ADAMTSL1: variants seen among roughly 807,000 people sequenced by gnomAD.
ADAMTSL1 encodes ADAMTS like 1.
Under a neutral mutation model 201.8 loss-of-function variants are expected in ADAMTSL1, and 126 were observed. The observed-to-expected ratio is 0.62, with a 90% CI of 0.54 to 0.72. ADAMTSL1 has a LOEUF of 0.72. Among genes scored for constraint, ADAMTSL1 ranks in the 30% least tolerant of loss-of-function variants. ADAMTSL1 has a pLI of 0.00. For synonymous variants in ADAMTSL1, 1,121 were observed against 903.4 expected, an observed-to-expected ratio of 1.24 and a Z score of -4.32; for missense variants, 2,679 against 2,277.8, an observed-to-expected ratio of 1.18 and a Z score of -3.59.
At chr9:18,493,401 C>T (rs1031975643) in intron 1 of ADAMTSL1, among the ~76,000 whole-genome samples, 2 of 152,226 alleles carry the variant, frequency 1.3e-5, no homozygotes, top group East Asian at 3.8e-4. Context: ...TAAGCCAGGA[C>T]TTCCTCACCC....
intron 23 of ADAMTSL1, among the ~76,000 whole-genome samples, chr9:18,852,381 T>C (rs1310287751): frequency 1.3e-5 from 2 of 152,186 alleles, no homozygotes; most frequent in East Asian, 1.9e-4. Flanking sequence ...TTAACATCAG[T>C]CATTCTTATT....
In ADAMTSL1 at chr9:18,680,328, T is replaced by A; in HGVS notation, c.1153T>A (p.Trp385Arg). 6.2e-7 allele frequency: 1 copy of A among 1,614,068 alleles called. No homozygotes were observed. The highest frequency in any genetic ancestry group is 8.5e-7 in the Non-Finnish European group (1 of 1,180,010). The stretch of plus-strand genomic sequence containing the variant: ...CTTCTGTAGGTGGGAGGCCACCCCA[T>A]GGACCGCGTGCTCCTCCTCGTGTGG... ...HPLPRWEATP[W>R]TACSSSCGGG... is the part of the protein sequence containing the mutation. The change falls in exon 11 of 29, where the codon TGG (tryptophan) becomes AGG (arginine). Residue 385 changes from tryptophan (W) to arginine (R), a missense_variant. Coordinates refer to ENST00000380548, the MANE Select transcript of ADAMTSL1 (RefSeq NM_001040272.6).
chr9:18,613,025 AC>A (rs535321072), intron 4 of ADAMTSL1, among the ~76,000 whole-genome samples: 338 of 152,340 alleles, frequency 2.2e-3, no homozygotes, highest in Non-Finnish European at 3.8e-3. Flanking sequence ...TAAGAAAAAA[AC>A]AATGCCATTA....
chr9:18,873,336 C>T (rs987668301), intron 23 of ADAMTSL1, among the ~76,000 whole-genome samples: 8 of 152,116 alleles, frequency 5.3e-5, no homozygotes, highest in Admixed American at 1.3e-4. Flanking sequence ...GTTTTTATTG[C>T]GTTTGCTTTG....
At chr9:18,011,135 G>T (rs1820035088) in intron 1 of ADAMTSL1, among the ~76,000 whole-genome samples, 1 of 151,874 alleles carries the variant, frequency 6.6e-6, no homozygotes, top group South Asian at 2.1e-4. Context: ...CTTTTCTCAG[G>T]AGTTTATAGC....
At chr9:18,573,956 A>G in intron 3 of ADAMTSL1, 74 bp from the exon 4 acceptor site, 3 of 1,216,464 alleles carry the variant, frequency 2.5e-6, no homozygotes, top group Non-Finnish European at 3.5e-6. Flanking sequence ...TAAGCAGACC[A>G]TATAGCTGCT....
intron 1 of ADAMTSL1, among the ~76,000 whole-genome samples, chr9:18,012,663 T>C (rs1299461782): frequency 6.6e-6 from 1 of 151,992 alleles, no homozygotes; most frequent in Non-Finnish European, 1.5e-5. Flanking sequence ...GAAATGTCTG[T>C]GGTGGGTATT....
intron 1 of ADAMTSL1, among the ~76,000 whole-genome samples, chr9:18,140,444 T>A (rs1351497516): frequency 6.6e-6 from 1 of 151,674 alleles, no homozygotes; most frequent in Non-Finnish European, 1.5e-5. Flanking sequence ...CCCAATGGAG[T>A]CAGTACTGAA....
At chr9:17,939,695 G>A (rs190807673) in intron 1 of ADAMTSL1, among the ~76,000 whole-genome samples, 4 of 152,030 alleles carry the variant, frequency 2.6e-5, no homozygotes, top group Non-Finnish European at 5.9e-5. Context: ...TTTACTTAGG[G>A]CCCATTTATT....
chr9:18,534,844 G>A (rs1467087901), intron 3 of ADAMTSL1, among the ~76,000 whole-genome samples: 1 of 152,230 alleles, frequency 6.6e-6, no homozygotes, highest in Non-Finnish European at 1.5e-5. Context: ...AGCCACAGCT[G>A]GAGTGGCTGG....
At chr9:18,105,139 G>T (rs576807727) in intron 1 of ADAMTSL1, among the ~76,000 whole-genome samples, 1 of 152,102 alleles carries the variant, frequency 6.6e-6, no homozygotes, top group Non-Finnish European at 1.5e-5. Context: ...GTGTAAATTC[G>T]TACAGGACAC....
At chr9:18,695,301 G>T (rs1286827992) in intron 13 of ADAMTSL1, among the ~76,000 whole-genome samples, 1 of 152,228 alleles carries the variant, frequency 6.6e-6, no homozygotes, top group African/African-American at 2.4e-5. Flanking sequence ...TTTCCCCATT[G>T]TGTTGGCTAT....
rs760214011 is a variant in ADAMTSL1 at position 18,826,351 on chromosome 9, C to T, written c.4002C>T (p.His1334=). 1.1e-5 allele frequency: 17 copies of T among 1,613,432 alleles called. No homozygotes were observed. In the African/African-American group the frequency reaches 1.2e-4, roughly 11 times the overall value. Reference sequence around the variant, plus strand: ...AACTGGGCTCCCCGCACCATCTGCACGAAGGCTCCTTGCTGCTCACAAACG... The same window carrying T: ...AACTGGGCTCCCCGCACCATCTGCATGAAGGCTCCTTGCTGCTCACAAACG... ...KSKLGSPHHL[H]EGSLLLTNVS... is the part of the protein sequence containing the mutation. Residue 1334 remains histidine, a synonymous_variant, in exon 22 of 29, where the codon CAC becomes CAT. Transcript: ENST00000380548.
intron 2 of ADAMTSL1, among the ~76,000 whole-genome samples, chr9:18,285,601 T>A (rs1041535954): frequency 1.1e-4 from 16 of 152,268 alleles, no homozygotes; most frequent in South Asian, 6.2e-4. Context: ...TTTTTCTTTT[T>A]TTAAAATTAT....
intron 20 of ADAMTSL1, among the ~76,000 whole-genome samples, chr9:18,812,868 G>T (rs755774966): frequency 6.6e-6 from 1 of 151,642 alleles, no homozygotes; most frequent in Non-Finnish European, 1.5e-5. Context: ...TGTTCCATGG[G>T]TTTATGTGTC....
At chr9:18,713,849 G>T (rs1832753554) in intron 14 of ADAMTSL1, among the ~76,000 whole-genome samples, 2 of 147,710 alleles carry the variant, frequency 1.4e-5, no homozygotes, top group Non-Finnish European at 3.0e-5. Flanking sequence ...ATACTGGGAA[G>T]TAAAGCTCTC....
intron 2 of ADAMTSL1, among the ~76,000 whole-genome samples, chr9:18,346,278 C>A (rs1368079105): frequency 1.3e-5 from 2 of 152,026 alleles, no homozygotes; most frequent in Admixed American, 1.3e-4. Context: ...TGCATATAGC[C>A]AGCCTCTTGG....
Position 18,680,492 on chromosome 9 carries a change from A to G in ADAMTSL1, c.1317A>G (p.Lys439=). The G allele has an allele frequency of 1.9e-6, 3 of 1,614,072 alleles. No homozygotes were observed. Among genetic ancestry groups the G allele is most frequent in the Non-Finnish European group, 1.7e-6 (2 of 1,180,006 alleles). The change falls in exon 11 of 29, where the codon AAA becomes AAG. Residue 439 remains lysine, a synonymous_variant. Transcript: ENST00000380548. The stretch of plus-strand genomic sequence containing the variant: ...CCTGCAACATTTTTGACTGCCCTAA[A>G]TGGCTGGCACAGGAGTGGTCTCCGG... ...AQPCNIFDCP[K]WLAQEWSPCT...
chr9:18,831,758 G>A (rs1443553760), intron 23 of ADAMTSL1, among the ~76,000 whole-genome samples: 1 of 152,160 alleles, frequency 6.6e-6, no homozygotes, highest in Admixed American at 6.5e-5. Context: ...GAATGTAACT[G>A]CCTGGACCAA....
Sources: gnomAD v4.1 joint callset for allele counts (sites outside exome capture counted in the v4.1 genomes callset) on GRCh38, gnomAD v4.1.1 for gene constraint, MANE v1.5 for transcripts, NCBI Gene and HGNC (gene_info 2026-07-23, HGNC 2026-07-21) for gene names.